CPS1: variants seen among roughly 807,000 people sequenced by gnomAD.
CPS1 encodes the protein carbamoyl-phosphate synthase [ammonia], mitochondrial.
Under a neutral mutation model 174.6 loss-of-function variants are expected in CPS1, and 109 were observed. The observed-to-expected ratio is 0.62, with a 90% CI of 0.53 to 0.73. The LOEUF (loss-of-function observed/expected upper bound fraction) is 0.73. Among genes scored for constraint, CPS1 ranks in the 30% least tolerant of loss-of-function variants. CPS1 has a pLI of 0.00. For missense variants in CPS1, 1,689 were observed against 1,821.9 expected, an observed-to-expected ratio of 0.93 and a Z score of 1.33; for synonymous variants, 637 against 632.0, an observed-to-expected ratio of 1.01 and a Z score of -0.12.
intron 21 of CPS1, among the ~76,000 whole-genome samples, chr2:210,617,339 A>G (rs1211606069): frequency 6.6e-6 from 1 of 151,994 alleles, no homozygotes; most frequent in Admixed American, 6.6e-5. Context: ...GAAATACACT[A>G]CTATTGGAAA....
Position 210,573,382 on chromosome 2 carries a change from G to T in CPS1, c.211G>T (p.Val71Leu). The T allele has an allele frequency of 1.2e-6, 2 of 1,613,078 alleles. No individual in the cohort carries two copies. Among genetic ancestry groups the T allele is most frequent in the Non-Finnish European group, 1.7e-6 (2 of 1,179,198 alleles). Reference protein sequence around the residue: ...FGHPSSVAGEVVFNTGLGGYP... With the variant: ...FGHPSSVAGELVFNTGLGGYP... ...CCATCCATCCTCTGTTGCTGGTGAA[G>T]TGGTTTTTAATACTGGCCTGGGAGG... The change falls in exon 2 of 38, where the codon GTG becomes TTG. Residue 71 changes from valine to leucine, a missense_variant. Val to Leu is a conservative substitution (Grantham distance 32). Coordinates refer to ENST00000233072, the MANE Select transcript of CPS1 (RefSeq NM_001875.5).
intron 1 of CPS1, among the ~76,000 whole-genome samples, chr2:210,570,673 A>G (rs527987177): frequency 2.2e-4 from 34 of 152,052 alleles, no homozygotes; most frequent in Admixed American, 7.2e-4. Context: ...TCAAAGTTAC[A>G]TATTATCTAA....
chr2:210,508,961 GCTGGTACCATTCCTT>G (rs1321182595), intron 1 of CPS1, among the ~76,000 whole-genome samples: 6 of 152,134 alleles, frequency 3.9e-5, no homozygotes, highest in African/African-American at 1.4e-4. Context: ...ACAAGGAGGA[GCTGGTACCATTCCTT>G]CTGAAACTAT....
intron 31 of CPS1, 22 bp from the exon 32 acceptor site, chr2:210,660,463 A>G: frequency 1.2e-6 from 2 of 1,612,964 alleles, no homozygotes; most frequent in African/African-American, 1.3e-5. Flanking sequence ...CCTCTTTCTC[A>G]TTTTGAATTT....
At position 210,593,744 on chromosome 2, in the gene CPS1, C is replaced by A. The variant is rs959618137; in HGVS notation, c.1165-764C>A. On this transcript the variant is annotated intron_variant, in intron 11 of 37. Transcript: ENST00000233072. ...CTCTACTCTCTCATGTCTGAATTGC[C>A]GTTTTAGATATTTATATTTTGTTCT... 1.1e-5 allele frequency: 8 copies of A among 754,454 alleles called. No homozygotes were observed. In the South Asian group the frequency reaches 4.8e-4, roughly 45 times the overall value. 46.7% of individuals were successfully genotyped at this position (754,454 alleles called of 1,614,324 possible).
intron 1 of CPS1, among the ~76,000 whole-genome samples, chr2:210,480,968 C>T (rs528759518): frequency 6.6e-5 from 10 of 152,288 alleles, no homozygotes; most frequent in African/African-American, 1.7e-4. Context: ...GTACACCAAG[C>T]GCACTATGGA....
At chr2:210,606,994 GA>G in intron 18 of CPS1, 53 bp downstream of exon 18, 1 of 1,532,242 alleles carries the variant, frequency 6.5e-7, no homozygotes, top group Non-Finnish European at 9.0e-7. Context: ...AGATAGAAAT[GA>G]AAAATTGACA....
intron 25 of CPS1, among the ~76,000 whole-genome samples, chr2:210,647,178 G>T (rs1170895455): frequency 1.3e-5 from 2 of 152,116 alleles, no homozygotes; most frequent in East Asian, 3.9e-4. Context: ...TGAGATCTAG[G>T]CTGGAACTAA....
chr2:210,602,913 A>G (rs1698776334), intron 16 of CPS1, among the ~76,000 whole-genome samples: 1 of 152,008 alleles, frequency 6.6e-6, no homozygotes, highest in African/African-American at 2.4e-5. Flanking sequence ...AGGGTTTATA[A>G]TTTATTTTCT....
intron 34 of CPS1, chr2:210,674,522 C>A: frequency 5.6e-6 from 1 of 179,906 alleles, no homozygotes; most frequent in Non-Finnish European, 1.2e-5. Context: ...GTTGAATAGG[C>A]AAAACAGCTA....
intron 12 of CPS1, 42 bp from the exon 13 acceptor site, chr2:210,595,445 A>T (rs1698452120): frequency 5.1e-6 from 7 of 1,385,158 alleles, no homozygotes; most frequent in Non-Finnish European, 7.2e-6. Context: ...TATTTCCCCC[A>T]TTTTAGCAGT....
intron 1 of CPS1, among the ~76,000 whole-genome samples, chr2:210,511,353 G>A (rs1303974114): frequency 6.6e-6 from 1 of 152,074 alleles, no homozygotes; most frequent in Admixed American, 6.6e-5. Flanking sequence ...GACACAGGAA[G>A]GGGAACATCA....
At chr2:210,560,758 T>C (rs1210201102) in intron 1 of CPS1, among the ~76,000 whole-genome samples, 1 of 152,184 alleles carries the variant, frequency 6.6e-6, no homozygotes, top group Non-Finnish European at 1.5e-5. Flanking sequence ...TTACTTACAT[T>C]GTAGTAGCTT....
At chr2:210,637,957 A>T in intron 22 of CPS1, 114 bp downstream of exon 22, 1 of 1,177,334 alleles carries the variant, frequency 8.5e-7, no homozygotes, top group Non-Finnish European at 1.3e-6. Context: ...TTAAGAAGTG[A>T]CAATACTCAT....
At chr2:210,483,772 A>G (rs914983301) in intron 1 of CPS1, among the ~76,000 whole-genome samples, 2 of 152,170 alleles carry the variant, frequency 1.3e-5, no homozygotes, top group Non-Finnish European at 2.9e-5. Flanking sequence ...AACCTTTTAC[A>G]TCTGTCTGCA....
intron 1 of CPS1, among the ~76,000 whole-genome samples, chr2:210,557,762 C>A (rs572935288): frequency 1.3e-5 from 2 of 152,074 alleles, no homozygotes; most frequent in South Asian, 4.2e-4. Context: ...CAAAAGAAAA[C>A]CTCTGTCTGT....
chr2:210,604,441 T>A (rs1259378601), intron 16 of CPS1, among the ~76,000 whole-genome samples: 1 of 151,872 alleles, frequency 6.6e-6, no homozygotes, highest in East Asian at 1.9e-4. Flanking sequence ...TTCTACCCAT[T>A]GTGGGTGTGC....
intron 1 of CPS1, among the ~76,000 whole-genome samples, chr2:210,508,811 C>T (rs1407345675): frequency 2.0e-5 from 3 of 151,990 alleles, no homozygotes; most frequent in Non-Finnish European, 4.4e-5. Context: ...ACACATACAC[C>T]CTCCCAAGAC....
chr2:210,652,227 T>C (rs1700579924), intron 28 of CPS1, among the ~76,000 whole-genome samples: 3 of 152,140 alleles, frequency 2.0e-5, no homozygotes, highest in Admixed American at 6.5e-5. Context: ...ACATCAAACA[T>C]GATGCTGATT....
Sources: gnomAD v4.1 joint callset for allele counts (sites outside exome capture counted in the v4.1 genomes callset) on GRCh38, gnomAD v4.1.1 for gene constraint, MANE v1.5 for transcripts, NCBI Gene and HGNC (gene_info 2026-07-23, HGNC 2026-07-21) for gene names.